UBE2L6: variants seen among roughly 807,000 people sequenced by gnomAD.
UBE2L6 encodes the protein ubiquitin conjugating enzyme E2 L6.
Under a neutral mutation model 13.6 loss-of-function variants are expected in UBE2L6, and 11 were observed. The observed-to-expected ratio is 0.81, with a 90% CI of 0.51 to 1.34. The LOEUF (loss-of-function observed/expected upper bound fraction) is 1.34. Ranked by LOEUF, UBE2L6 falls within the 40% of genes most tolerant of loss-of-function variation. UBE2L6 has a pLI of 0.00. For synonymous variants in UBE2L6, 74 were observed against 83.2 expected (o/e 0.89, Z 0.60); for missense variants, 197 against 199.5 (o/e 0.99, Z 0.07).
chr11:57,553,753 G>C (rs1944976392), intron 3 of UBE2L6, among the ~76,000 whole-genome samples: 1 of 152,148 alleles, frequency 6.6e-6, no homozygotes, highest in Non-Finnish European at 1.5e-5. Context: ...TTGAACCTGG[G>C]AGGTGGAGGT....
intron 2 of UBE2L6, among the ~76,000 whole-genome samples, chr11:57,557,286 T>A (rs1046241478): frequency 7.2e-5 from 11 of 151,958 alleles, no homozygotes; most frequent in African/African-American, 2.7e-4. Context: ...TCTCTCTCTC[T>A]TTCACTTCTT....
intron 1 of UBE2L6, among the ~76,000 whole-genome samples, chr11:57,566,048 T>C (rs1477335950): frequency 6.6e-6 from 1 of 151,896 alleles, no homozygotes; most frequent in African/African-American, 2.4e-5. Context: ...TGGCCCTTCA[T>C]TTATCTTTAC....
At chr11:57,555,927 A>G (rs1299029642) in intron 2 of UBE2L6, among the ~76,000 whole-genome samples, 2 of 152,150 alleles carry the variant, frequency 1.3e-5, no homozygotes, top group African/African-American at 2.4e-5. Context: ...AATGGTTAAG[A>G]TAGTAAATTT....
At chr11:57,557,133 G>A (rs893528584) in intron 2 of UBE2L6, among the ~76,000 whole-genome samples, 11 of 152,000 alleles carry the variant, frequency 7.2e-5, no homozygotes, top group African/African-American at 2.4e-4. Flanking sequence ...GGGCCTACCA[G>A]GAGGCGTATG....
chr11:57,567,159 G>T, intron 1 of UBE2L6: 1 of 464,144 alleles, frequency 2.2e-6, no homozygotes. Context: ...TATGGGATGG[G>T]CTATGGGCTT....
At chr11:57,552,656 C>A (rs142857543) in intron 3 of UBE2L6, 147 bp from the exon 4 acceptor site, 3 of 1,040,712 alleles carry the variant, frequency 2.9e-6, no homozygotes, top group Non-Finnish European at 2.8e-6. Flanking sequence ...TCAAACGCCC[C>A]GCTCATTCTT....
chr11:57,554,489 G>C lies in UBE2L6; in HGVS notation c.258C>G (p.Cys86Trp). 6.2e-7 allele frequency: 1 copy of C among 1,614,150 alleles called. No homozygotes were observed. The highest frequency in any genetic ancestry group is 8.5e-7 in the Non-Finnish European group (1 of 1,180,018). ...HPNVDENGQI[C>W]LPIISSENWK... ...AGTTCTCACTGCTGATGATGGGCAGGCAAATCTGTCCGTTCTCGTCCACGT... is the reference window on the plus strand; with the variant it reads ...AGTTCTCACTGCTGATGATGGGCAGCCAAATCTGTCCGTTCTCGTCCACGT... The change falls in exon 3 of 4, where the codon TGC becomes TGG. Residue 86 changes from cysteine to tryptophan, a missense_variant. By Grantham distance (215) the Cys-to-Trp change is radical (BLOSUM62 -2). Coordinates refer to ENST00000287156, the MANE Select transcript of UBE2L6 (RefSeq NM_004223.5).
chr11:57,558,598 C>T (rs1945014963), intron 2 of UBE2L6, among the ~76,000 whole-genome samples: 1 of 152,164 alleles, frequency 6.6e-6, no homozygotes, highest in African/African-American at 2.4e-5. Flanking sequence ...ATGTCGTGTG[C>T]TTAAAACAGC....
chr11:57,567,814 G>A (rs1475907366), upstream of UBE2L6: 2 of 527,570 alleles, frequency 3.8e-6, no homozygotes, highest in Admixed American at 4.3e-5. Context: ...ACAACCGCCC[G>A]ATCCCCGCGC....
chr11:57,561,887 A>C (rs979725382), intron 1 of UBE2L6, among the ~76,000 whole-genome samples: 2 of 152,192 alleles, frequency 1.3e-5, no homozygotes, highest in Admixed American at 6.5e-5. Context: ...AAAGACACTC[A>C]AGGGCAGGTC....
chr11:57,567,138 A>C lies in UBE2L6; in HGVS notation c.27+447T>G. 1.5e-5 allele frequency: 7 copies of C among 460,896 alleles called. 1 individual carries two copies. Among genetic ancestry groups the C allele is most frequent in the South Asian group, 1.1e-4 (7 of 64,578 alleles). 28.6% of individuals were successfully genotyped at this position (460,896 alleles called of 1,614,324 possible). On this transcript the variant is annotated intron_variant, in intron 1 of 3. Transcript: ENST00000287156. ...GTGTTTCTCAGGACTCTAGTAATAC[A>C]GGCATCAAATTATGGGATGGGCTAT...
At chr11:57,556,501 G>A (rs886556340) in intron 2 of UBE2L6, among the ~76,000 whole-genome samples, 9 of 148,876 alleles carry the variant, frequency 6.0e-5, no homozygotes, top group Non-Finnish European at 1.3e-4. Context: ...AGAACCGAGA[G>A]GCAGAAGTTG....
At chr11:57,555,076 T>C (rs965106947) in intron 2 of UBE2L6, among the ~76,000 whole-genome samples, 6 of 152,188 alleles carry the variant, frequency 3.9e-5, no homozygotes, top group African/African-American at 1.4e-4. Flanking sequence ...AATAAAATGG[T>C]GCAGCTGTGA....
intron 1 of UBE2L6, among the ~76,000 whole-genome samples, chr11:57,563,377 C>T (rs1015068063): frequency 2.0e-5 from 3 of 150,368 alleles, no homozygotes; most frequent in Non-Finnish European, 3.0e-5. Flanking sequence ...GTAATCCCAG[C>T]TACTTGGGAG....
In UBE2L6 at chr11:57,567,596, G is replaced by T. The variant is rs530817836; in HGVS notation, c.16C>A (p.Arg6=). The T allele has an allele frequency of 4.4e-6, 7 of 1,608,164 alleles. No homozygotes were observed. Among genetic ancestry groups the T allele is most frequent in the Non-Finnish European group, 5.9e-6 (7 of 1,178,182 alleles). MMASM[R]VVKELEDLQK... is the part of the protein sequence containing the mutation. ...CTATACGCGGTTACCTTCACCACTCGCATGCTCGCCATCATGTCGGGACCG... is the reference window on the plus strand; with the variant it reads ...CTATACGCGGTTACCTTCACCACTCTCATGCTCGCCATCATGTCGGGACCG... The change falls in exon 1 of 4, where the codon CGA becomes AGA. Residue 6 remains arginine (R), a synonymous_variant. Coordinates refer to ENST00000287156, the MANE Select transcript of UBE2L6 (RefSeq NM_004223.5).
intron 2 of UBE2L6, among the ~76,000 whole-genome samples, chr11:57,559,575 A>G (rs1590809533): frequency 6.6e-6 from 1 of 152,032 alleles, no homozygotes; most frequent in East Asian, 1.9e-4. Context: ...GCATCACTGC[A>G]CTCCAGCCTG....
chr11:57,567,273 A>G (rs987198140), intron 1 of UBE2L6: 7 of 511,646 alleles, frequency 1.4e-5, no homozygotes, highest in South Asian at 1.9e-5. Flanking sequence ...CCTGCACTGG[A>G]GATGCACCCA....
chr11:57,560,985 T>C (rs910221841), intron 1 of UBE2L6, among the ~76,000 whole-genome samples: 3 of 152,116 alleles, frequency 2.0e-5, no homozygotes, highest in Non-Finnish European at 4.4e-5. Flanking sequence ...ACCTAGGTAC[T>C]AGGTGCAGGG....
chr11:57,565,526 G>A (rs531503683), intron 1 of UBE2L6, among the ~76,000 whole-genome samples: 4 of 151,834 alleles, frequency 2.6e-5, no homozygotes, highest in South Asian at 2.1e-4. Context: ...TACCATGCCC[G>A]GCTAATTTTG....
Sources: gnomAD v4.1 joint callset for allele counts (sites outside exome capture counted in the v4.1 genomes callset) on GRCh38, gnomAD v4.1.1 for gene constraint, MANE v1.5 for transcripts, NCBI Gene and HGNC (gene_info 2026-07-23, HGNC 2026-07-21) for gene names.